Variants in COX7A2L observed in about 807,000 individuals in gnomAD.
The protein encoded by COX7A2L is cytochrome c oxidase subunit 7A2 like.
A neutral mutation model predicts 14.2 loss-of-function variants in COX7A2L; 18 were observed. That is an observed-to-expected ratio of 1.27 (90% CI 0.88 to 1.88). The LOEUF is 1.88. COX7A2L is among the 40% of genes most tolerant of loss of function. The probability of loss-of-function intolerance (pLI) is 0.00; values close to 1 mark genes in which losing one functional copy is unlikely to be tolerated. For synonymous variants in COX7A2L, 65 were observed against 57.4 expected, an observed-to-expected ratio of 1.13 and a Z score of -0.60; for missense variants, 179 against 138.8, an observed-to-expected ratio of 1.29 and a Z score of -1.46.
At chr2:42,343,029 C>T (rs1572784852) in intron 2 of COX7A2L, among the ~76,000 whole-genome samples, 1 of 152,294 alleles carries the variant, frequency 6.6e-6, no homozygotes, top group African/African-American at 2.4e-5. Context: ...CCCCTCCTAC[C>T]TCAGGAGGTG....
At chr2:42,351,902 G>T (rs1670659602) in intron 2 of COX7A2L, among the ~76,000 whole-genome samples, 1 of 152,166 alleles carries the variant, frequency 6.6e-6, no homozygotes, top group Non-Finnish European at 1.5e-5. Context: ...AGGATCGCTT[G>T]AGCCCAAGAG....
At chr2:42,362,781 C>T (rs3755304), upstream of COX7A2L, among the ~76,000 whole-genome samples, 20,757 of 151,674 alleles carry the variant, frequency 0.14, 1,449 homozygotes, top group East Asian at 0.18. Flanking sequence ...CAAAGAGACA[C>T]TGTGATATAA....
At chr2:42,337,532 G>T (rs996669070) in intron 2 of COX7A2L, among the ~76,000 whole-genome samples, 4 of 149,920 alleles carry the variant, frequency 2.7e-5, no homozygotes, top group African/African-American at 9.9e-5. Context: ...TAGGATGGCG[G>T]CCACCATGAA....
intron 2 of COX7A2L, 91 bp from the exon 3 acceptor site, chr2:42,351,450 A>G: frequency 1.4e-6 from 2 of 1,445,878 alleles, no homozygotes; most frequent in South Asian, 2.6e-5. Flanking sequence ...CTACTCGGTA[A>G]GTAATTCATC....
At chr2:42,348,552 G>A (rs1670541817), downstream of COX7A2L, among the ~76,000 whole-genome samples, 1 of 152,138 alleles carries the variant, frequency 6.6e-6, no homozygotes, top group South Asian at 2.1e-4. Context: ...AAAACAACTT[G>A]CCTGGACTCT....
intron 2 of COX7A2L, among the ~76,000 whole-genome samples, chr2:42,337,570 G>A (rs113244512): frequency 1.6e-3 from 245 of 152,246 alleles, no homozygotes; most frequent in African/African-American, 5.4e-3. Context: ...ATTCCATAGA[G>A]TGCACGCTGA....
upstream of COX7A2L, among the ~76,000 whole-genome samples, chr2:42,365,452 C>G (rs1479265136): frequency 1.3e-5 from 2 of 152,030 alleles, no homozygotes; most frequent in Non-Finnish European, 2.9e-5. Context: ...CATGGTGAAA[C>G]CCCATCTCTA....
At chr2:42,368,794 T>A (rs1671216359) in intron 1 of COX7A2L, 1 of 152,200 alleles carries the variant, frequency 6.6e-6, no homozygotes, top group African/African-American at 2.4e-5. Context: ...CCAAATCTTA[T>A]CAATCCTCTT....
rs1415342100 is a variant in COX7A2L, at chr2:42,353,016, C to T, written c.204+196G>A. 5 of 645,274 alleles carry T rather than the reference C, an allele frequency of 7.7e-6. No individual in the cohort carries two copies. The East Asian group carries it at 1.1e-4, about 15-fold the overall frequency. The allele number at this position is 645,274 out of a possible 1,614,324, so 40.0% of individuals were successfully genotyped here. On this transcript the variant is annotated intron_variant, in intron 2 of 2. Coordinates refer to ENST00000234301, the MANE Select transcript of COX7A2L (RefSeq NM_004718.4). Reference sequence around the variant, plus strand: ...CCTTAAATACTAATGAGGAAATTAACCACCCTCCCCTCTTTTATCAGTATC... The same window carrying T: ...CCTTAAATACTAATGAGGAAATTAATCACCCTCCCCTCTTTTATCAGTATC...
Position 42,361,136 on chromosome 2 carries a change from G to T in COX7A2L, c.26C>A (p.Thr9Lys), listed in dbSNP as rs772535282. 6.2e-7 allele frequency: 1 copy of T among 1,613,824 alleles called. No homozygotes were observed. Among genetic ancestry groups the T allele is most frequent in the Middle Eastern group, 1.6e-4 (1 of 6,062 alleles). The change falls in exon 1 of 3, where the codon ACG (threonine) becomes AAG (lysine). Residue 9 changes from threonine to lysine, a missense_variant. By Grantham distance (78) the Thr-to-Lys change is moderately conservative. Coordinates refer to ENST00000234301, the MANE Select transcript of COX7A2L (RefSeq NM_004718.4). ...AGCCCATGCTCCTGCCAACTTCTGC[G>T]TGAAGCCACTAAACTTGTAGTACAT... MYYKFSGF[T>K]QKLAGAWASE...
rs549019800 is a variant in COX7A2L, at chr2:42,338,438, G to A, written c.193-4569C>T. On this transcript the variant is annotated intron_variant, in intron 2 of 2. Transcript: ENST00000468711. The surrounding 1 kb of genome is among the most constrained non-coding windows in gnomAD (Gnocchi z 4.4). ...GAGATGAGGTGACCAGGCTTTCTCCGAGAGCGACAGGCCCCAGCTATGCTG... is the reference window on the plus strand; with the variant it reads ...GAGATGAGGTGACCAGGCTTTCTCCAAGAGCGACAGGCCCCAGCTATGCTG... Among the ~76,000 whole-genome samples the A allele has an allele frequency of 3.3e-5, 5 of 152,172 alleles. No individual in the cohort carries two copies. The East Asian group carries it at 5.8e-4, about 18-fold the overall frequency.
chr2:42,355,817 T>C (rs1421676359), intron 1 of COX7A2L, among the ~76,000 whole-genome samples: 2 of 141,794 alleles, frequency 1.4e-5, no homozygotes, highest in East Asian at 2.4e-4. Flanking sequence ...CCTCTGCCTC[T>C]CAGGTTCAAG....
upstream of COX7A2L, chr2:42,361,291 C>G (rs116570696): frequency 6.1e-6 from 5 of 819,700 alleles, no homozygotes; most frequent in African/African-American, 7.0e-5. Flanking sequence ...GCCCGAAGAT[C>G]GCCTAACTTA....
chr2:42,341,143 G>A (rs1670397690), intron 2 of COX7A2L, among the ~76,000 whole-genome samples: 1 of 152,128 alleles, frequency 6.6e-6, no homozygotes, highest in South Asian at 2.1e-4. Flanking sequence ...CCCACAGGGG[G>A]ACACAGTGGT....
intron 1 of COX7A2L, among the ~76,000 whole-genome samples, chr2:42,358,349 C>G (rs533146445): frequency 6.6e-6 from 1 of 152,352 alleles, no homozygotes; most frequent in South Asian, 2.1e-4. Context: ...CCACCAACTG[C>G]TTGCTGTCAA....
intron 2 of COX7A2L, among the ~76,000 whole-genome samples, chr2:42,335,975 G>A (rs1204073514): frequency 6.6e-6 from 1 of 152,216 alleles, no homozygotes; most frequent in African/African-American, 2.4e-5. Flanking sequence ...GCAAATGCCT[G>A]TTCTTCCTGC....
At chr2:42,366,602 G>T (rs951674213) in intron 1 of COX7A2L, among the ~76,000 whole-genome samples, 1 of 152,144 alleles carries the variant, frequency 6.6e-6, no homozygotes, top group African/African-American at 2.4e-5. Flanking sequence ...TACTGAAAAA[G>T]CTTAAAGAAA....
Position 42,342,267 on chromosome 2 carries a change from C to T in COX7A2L, c.193-8398G>A, listed in dbSNP as rs899563013. Among the ~76,000 whole-genome samples the T allele has an allele frequency of 1.3e-5, 2 of 152,106 alleles. No individual in the cohort carries two copies. Among genetic ancestry groups the T allele is most frequent in the Non-Finnish European group, 2.9e-5 (2 of 68,012 alleles). On this transcript the variant is annotated intron_variant, in intron 2 of 2. Coordinates refer to the COX7A2L transcript ENST00000468711. This position sits in a 1 kb window ranked among gnomAD's most constrained non-coding sequence, Gnocchi z 4.9. ...GGACCAGCAGAGCCTGCCTCTTCCACCCTAGCCTAGCTGCCCTTCCCTGCT... is the reference window on the plus strand; with the variant it reads ...GGACCAGCAGAGCCTGCCTCTTCCATCCTAGCCTAGCTGCCCTTCCCTGCT...
At chr2:42,358,620 G>T (rs1253297267) in intron 1 of COX7A2L, among the ~76,000 whole-genome samples, 2 of 152,130 alleles carry the variant, frequency 1.3e-5, no homozygotes, top group Non-Finnish European at 2.9e-5. Context: ...TTTCAACATA[G>T]TTTAAGAAAT....
Sources: allele counts gnomAD v4.1 joint callset (sites outside exome capture counted in the v4.1 genomes callset), GRCh38; gene constraint gnomAD v4.1.1; non-coding constraint Gnocchi (gnomAD v3.1); transcripts MANE v1.5; gene names NCBI Gene and HGNC (gene_info 2026-07-23, HGNC 2026-07-21).